The following PDE5A variants were observed in gnomAD, a reference collection of about 807,000 sequenced individuals.
The protein encoded by PDE5A is cGMP-specific 3',5'-cyclic phosphodiesterase.
PDE5A carries 67 observed loss-of-function variants against 110.2 expected under a neutral mutation model. That is an observed-to-expected ratio of 0.61 (90% CI 0.50 to 0.75). The LOEUF is 0.75. PDE5A is among the 30% of genes least tolerant of loss of function. The pLI is 0.00. For synonymous variants in PDE5A, 328 were observed against 351.2 expected (o/e 0.93, Z 0.74); for missense variants, 862 against 1,045.1 (o/e 0.82, Z 2.42).
intron 3 of PDE5A, among the ~76,000 whole-genome samples, chr4:119,591,256 T>C (rs1195634140): frequency 1.3e-5 from 2 of 152,188 alleles, no homozygotes; most frequent in Non-Finnish European, 2.9e-5. Context: ...CATCTCCTTT[T>C]AAAGAATAGT....
At chr4:119,592,150 C>CAG (rs1728991248) in intron 3 of PDE5A, among the ~76,000 whole-genome samples, 1 of 15,752 alleles carries the variant, frequency 6.3e-5, no homozygotes, top group African/African-American at 2.6e-4. Context: ...GACTCTGTCT[C>CAG]AAAAAAAAAA....
chr4:119,549,212 A>G (rs1727251243), intron 9 of PDE5A: 1 of 152,212 alleles, frequency 6.6e-6, no homozygotes, highest in East Asian at 1.9e-4. Flanking sequence ...CTACTCAAAA[A>G]AACTCTGCAG....
In PDE5A at chr4:119,494,993, T is replaced by A. The variant is rs1168245038; in HGVS notation, c.*3608A>T. 1.3e-5 allele frequency: 2 copies of A among 152,488 alleles called. No homozygotes were observed. The highest frequency in any genetic ancestry group is 3.9e-4 in the East Asian group (2 of 5,180). The allele number at this position is 152,488 out of a possible 1,614,324, so 9.4% of individuals were successfully genotyped here. A position where few individuals can be genotyped will look rare whatever the true frequency, so the allele number is the denominator to read the frequency against. ...GTGTAATCTTTACCTGGCTAGCACA[T>A]GGAAAAAATAAACTATATACAAGAA... is the stretch of plus-strand genomic sequence containing the variant. On this transcript the variant is annotated 3_prime_UTR_variant, in exon 21 of 21. Transcript: ENST00000354960.
At chr4:119,528,702 T>C (rs1241666869) in intron 11 of PDE5A, 1 of 152,122 alleles carries the variant, frequency 6.6e-6, no homozygotes, top group African/African-American at 2.4e-5. Context: ...GGTTTAACAT[T>C]CTCTGATATA....
intron 12 of PDE5A, 128 bp from the exon 13 acceptor site, chr4:119,521,188 A>T: frequency 1.0e-6 from 1 of 957,574 alleles, no homozygotes; most frequent in Non-Finnish European, 1.5e-6. Context: ...ACAGACAAGA[A>T]AACTGACACT....
chr4:119,513,088 G>A (rs1430512520), intron 14 of PDE5A: 1 of 152,142 alleles, frequency 6.6e-6, no homozygotes, highest in Non-Finnish European at 1.5e-5. Flanking sequence ...ATCCACTGAT[G>A]TAGTGTCCAG....
intron 12 of PDE5A, among the ~76,000 whole-genome samples, chr4:119,521,623 G>A (rs1288021232): frequency 2.0e-5 from 3 of 151,826 alleles, no homozygotes; most frequent in African/African-American, 4.8e-5. Context: ...AGACAATGCC[G>A]TCATTAGCTC....
intron 20 of PDE5A, among the ~76,000 whole-genome samples, chr4:119,499,244 A>G (rs2110448277): frequency 6.6e-6 from 1 of 152,322 alleles, no homozygotes; most frequent in South Asian, 2.1e-4. Flanking sequence ...TGTTCATTTC[A>G]GATTTCTTCC....
intron 13 of PDE5A, among the ~76,000 whole-genome samples, chr4:119,520,585 G>A (rs559665342): frequency 6.2e-4 from 95 of 152,190 alleles, no homozygotes; most frequent in South Asian, 1.2e-3. Flanking sequence ...TATGGAGCAG[G>A]TTGAATGTGA....
Position 119,620,809 on chromosome 4 carries a change from G to T in PDE5A, c.152+7711C>A, listed in dbSNP as rs570683701. ...TTGTGTTAATGAGAAAATAAAAGAC[G>T]TAAATTTAATATGCATATATGCCTT... On this transcript the variant is annotated intron_variant, in intron 1 of 20. Transcript: ENST00000354960. 5.9e-5 allele frequency among the ~76,000 whole-genome samples: 9 copies of T among 152,282 alleles called. No individual in the cohort carries two copies. In the East Asian group the frequency reaches 1.7e-3, roughly 29 times the overall value.
chr4:119,594,617 T>C (rs1012738916), intron 3 of PDE5A, among the ~76,000 whole-genome samples: 1 of 152,214 alleles, frequency 6.6e-6, no homozygotes, highest in African/African-American at 2.4e-5. Flanking sequence ...TAATGATCAG[T>C]CCATGTATGG....
rs188386186 is a variant in PDE5A at position 119,521,134 on chromosome 4, C to T, written c.1780-74G>A. The T allele has an allele frequency of 1.9e-5, 27 of 1,423,428 alleles. No homozygotes were observed. In the Admixed American group the frequency reaches 2.7e-4, roughly 14 times the overall value. The allele number at this position is 1,423,428 out of a possible 1,614,324, so 88.2% of individuals were successfully genotyped here. A position where few individuals can be genotyped will look rare whatever the true frequency, so the allele number is the denominator to read the frequency against. On this transcript the variant is annotated intron_variant, in intron 12 of 20. Transcript: ENST00000354960. The stretch of plus-strand genomic sequence containing the variant: ...CACATTTACTATGTTCCAGACACTA[C>T]AAAGCATTCACATTTAGCCTGATAC...
At chr4:119,501,288 T>G (rs201105740) in intron 19 of PDE5A, 35 bp from the exon 20 acceptor site, 9 of 1,197,456 alleles carry the variant, frequency 7.5e-6, no homozygotes, top group African/African-American at 1.5e-5. Context: ...CACACAGATG[T>G]GCATTTATTT....
intron 20 of PDE5A, 143 bp from the exon 21 acceptor site, chr4:119,498,881 T>C: frequency 1.3e-6 from 1 of 746,824 alleles, no homozygotes; most frequent in Non-Finnish European, 2.2e-6. Flanking sequence ...TGTGAGCACA[T>C]ACACAGATCA....
intron 1 of PDE5A, among the ~76,000 whole-genome samples, chr4:119,615,494 C>T (rs1474272625): frequency 2.0e-5 from 3 of 151,850 alleles, no homozygotes; most frequent in Non-Finnish European, 4.4e-5. Context: ...TACAAGCCCA[C>T]AGGTTGAGGG....
chr4:119,560,432 T>C (rs1361832519), intron 6 of PDE5A, 69 bp from the exon 7 acceptor site: 12 of 930,570 alleles, frequency 1.3e-5, no homozygotes, highest in Non-Finnish European at 1.9e-5. Context: ...GATACAGACA[T>C]ACATGCTATG....
At chr4:119,576,297 G>A (rs1349354654) in intron 3 of PDE5A, among the ~76,000 whole-genome samples, 1 of 152,150 alleles carries the variant, frequency 6.6e-6, no homozygotes, top group Non-Finnish European at 1.5e-5. Context: ...GAGTTAACAA[G>A]GATATCCAGG....
chr4:119,533,449 T>G (rs1011951262), intron 11 of PDE5A, among the ~76,000 whole-genome samples: 5 of 152,148 alleles, frequency 3.3e-5, no homozygotes, highest in African/African-American at 1.2e-4. Flanking sequence ...AACCACACAA[T>G]TAGTTTATAA....
At chr4:119,542,705 C>G in intron 9 of PDE5A, 71 bp from the exon 10 acceptor site, 1 of 1,298,788 alleles carries the variant, frequency 7.7e-7, no homozygotes, top group African/African-American at 1.5e-5. Context: ...TTAACAAACA[C>G]ACCCAAAGAT....
Sources: allele counts gnomAD v4.1 joint callset (sites outside exome capture counted in the v4.1 genomes callset), GRCh38; gene constraint gnomAD v4.1.1; transcripts MANE v1.5; gene names NCBI Gene and HGNC (gene_info 2026-07-23, HGNC 2026-07-21).